ST3GAL3: variants seen among roughly 807,000 people sequenced by gnomAD.
The protein encoded by ST3GAL3 is CMP-N-acetylneuraminate-beta-1,4-galactoside alpha-2,3-sialyltransferase.
ST3GAL3 carries 21 observed loss-of-function variants against 50.1 expected under a neutral mutation model. That is an observed-to-expected ratio of 0.42 (90% CI 0.30 to 0.60). The LOEUF is 0.60. ST3GAL3 is among the 20% of genes least tolerant of loss of function. The pLI, the probability that ST3GAL3 is intolerant of heterozygous loss-of-function variation, is 0.19. For missense variants in ST3GAL3, 353 were observed against 489.4 expected (o/e 0.72, Z 2.63); for synonymous variants, 183 against 190.0 (o/e 0.96, Z 0.30).
intron 2 of ST3GAL3, among the ~76,000 whole-genome samples, chr1:43,781,727 C>T (rs803962): frequency 1 from 152,050 of 152,332 alleles, 75,884 homozygotes; most frequent in Non-Finnish European, 1. Flanking sequence ...TACTGTCCAC[C>T]TACAGAGAAA....
At chr1:43,747,100 A>G (rs923943854) in intron 2 of ST3GAL3, among the ~76,000 whole-genome samples, 6 of 152,098 alleles carry the variant, frequency 3.9e-5, no homozygotes, top group African/African-American at 1.4e-4. Context: ...TTATCTTACC[A>G]CAATAAAAAC....
At chr1:43,801,286 A>T (rs903857416) in intron 3 of ST3GAL3, 7 of 456,200 alleles carry the variant, frequency 1.5e-5, no homozygotes, top group Admixed American at 4.7e-5. Flanking sequence ...TGCCAGGTAC[A>T]GTGACAGCTG....
At chr1:43,852,155 G>T (rs914367707) in intron 5 of ST3GAL3, among the ~76,000 whole-genome samples, 11 of 152,156 alleles carry the variant, frequency 7.2e-5, no homozygotes, top group African/African-American at 2.4e-4. Flanking sequence ...TGGGAAGCCA[G>T]CCTGTTTGCT....
chr1:43,866,602 A>C lies in ST3GAL3; in HGVS notation c.303-27781A>C, dbSNP rs147681654. Among the ~76,000 whole-genome samples, 490 of 151,954 alleles carry C rather than the reference A, an allele frequency of 3.2e-3. 3 individuals are homozygous for C. Among genetic ancestry groups the C allele is most frequent in the Non-Finnish European group, 4.4e-3 (302 of 67,918 alleles). Reference sequence around the variant, plus strand: ...CTGTCTCAAGGTAAAAAAAAAAAAAAGATTAAGGAATTAGGCAGTTGAAAA... The same window carrying C: ...CTGTCTCAAGGTAAAAAAAAAAAAACGATTAAGGAATTAGGCAGTTGAAAA... On this transcript the variant is annotated intron_variant, in intron 5 of 11. Coordinates refer to ENST00000347631, the MANE Select transcript of ST3GAL3 (RefSeq NM_006279.5).
chr1:43,725,303 A>G (rs1216908939), intron 1 of ST3GAL3, among the ~76,000 whole-genome samples: 6 of 152,078 alleles, frequency 3.9e-5, no homozygotes, highest in African/African-American at 9.7e-5. Context: ...TCCCAGGTTC[A>G]AGCTATTCTC....
chr1:43,716,161 C>A (rs912386176), intron 1 of ST3GAL3, among the ~76,000 whole-genome samples: 6 of 152,152 alleles, frequency 3.9e-5, no homozygotes, highest in African/African-American at 1.4e-4. Context: ...ATATTAATGG[C>A]AAAAACCACA....
intron 3 of ST3GAL3, among the ~76,000 whole-genome samples, chr1:43,793,200 T>C (rs995743826): frequency 6.6e-6 from 1 of 152,196 alleles, no homozygotes; most frequent in Non-Finnish European, 1.5e-5. Context: ...CAGCTATCTC[T>C]TACAATCGCT....
At chr1:43,919,136 G>A (rs1452180390) in intron 9 of ST3GAL3, 1 of 126,402 alleles carries the variant, frequency 7.9e-6, no homozygotes, top group Admixed American at 9.7e-5. Context: ...GGAGTGCAGT[G>A]GTGCAATGTC....
chr1:43,729,593 T>G (rs557199160), intron 1 of ST3GAL3, among the ~76,000 whole-genome samples: 2 of 152,176 alleles, frequency 1.3e-5, no homozygotes, highest in Non-Finnish European at 2.9e-5. Flanking sequence ...TGTCCCTCTC[T>G]CCCCTTTCAC....
intron 5 of ST3GAL3, among the ~76,000 whole-genome samples, chr1:43,868,889 T>C (rs1402141127): frequency 6.6e-6 from 1 of 151,974 alleles, no homozygotes; most frequent in African/African-American, 2.4e-5. Flanking sequence ...TTTCCAGAGC[T>C]TTTCCTTTTA....
intron 5 of ST3GAL3, chr1:43,851,156 G>C (rs922709246): frequency 2.3e-6 from 3 of 1,328,708 alleles, no homozygotes; most frequent in Non-Finnish European, 3.3e-6. Flanking sequence ...GATCAGCTTC[G>C]GGTGGAAGAG....
chr1:43,817,325 T>G (rs989648665), intron 4 of ST3GAL3, among the ~76,000 whole-genome samples: 2 of 152,024 alleles, frequency 1.3e-5, no homozygotes, highest in African/African-American at 4.8e-5. Context: ...TGCTGCTTCT[T>G]CTTCTTCCTT....
intron 1 of ST3GAL3, among the ~76,000 whole-genome samples, chr1:43,719,698 T>C (rs1215287283): frequency 1.5e-5 from 2 of 137,056 alleles, no homozygotes; most frequent in African/African-American, 5.0e-5. Flanking sequence ...CTTGGGAGGC[T>C]GAGGTGGGCG....
rs115345656 is a variant in ST3GAL3 at position 43,785,657 on chromosome 1, G to A, written c.119-6445G>A. On this transcript the variant is annotated intron_variant, in intron 2 of 11. Transcript: ENST00000347631. ...GCTCTGATGCTCTGCCACTAATGTG[G>A]GCGCTAGGGCCCAGCATCTAGCGCA... 8.9e-3 allele frequency among the ~76,000 whole-genome samples: 1,352 copies of A among 152,002 alleles called. 28 individuals carry two copies. Among genetic ancestry groups the A allele is most frequent in the African/African-American group, 0.032 (1,317 of 41,490 alleles).
chr1:43,814,423 G>C (rs1340643414), intron 3 of ST3GAL3, among the ~76,000 whole-genome samples: 2 of 152,116 alleles, frequency 1.3e-5, no homozygotes, highest in African/African-American at 2.4e-5. Context: ...CTGATCTACT[G>C]GTTCTTTATG....
intron 1 of ST3GAL3, among the ~76,000 whole-genome samples, chr1:43,718,713 A>C (rs1668770239): frequency 8.4e-6 from 1 of 119,568 alleles, no homozygotes; most frequent in African/African-American, 3.5e-5. Context: ...TTTAGGATGG[A>C]ATCTTACTCT....
chr1:43,819,539 C>T (rs1031227439), intron 4 of ST3GAL3, among the ~76,000 whole-genome samples: 2 of 152,192 alleles, frequency 1.3e-5, no homozygotes, highest in African/African-American at 4.8e-5. Context: ...AGTTGACTCA[C>T]CCTTAATTGA....
At chr1:43,857,512 T>C (rs1456554071) in intron 5 of ST3GAL3, among the ~76,000 whole-genome samples, 3 of 142,900 alleles carry the variant, frequency 2.1e-5, no homozygotes, top group Non-Finnish European at 4.6e-5. Flanking sequence ...TCTTCCTTCC[T>C]TCCTTCCTTC....
At chr1:43,787,966 G>C (rs1241788758) in intron 2 of ST3GAL3, among the ~76,000 whole-genome samples, 6 of 152,194 alleles carry the variant, frequency 3.9e-5, no homozygotes, top group Non-Finnish European at 7.3e-5. Context: ...AGCATGTACA[G>C]TGAATAATGA....
Sources: gnomAD v4.1 joint callset for allele counts (sites outside exome capture counted in the v4.1 genomes callset) on GRCh38, gnomAD v4.1.1 for gene constraint, MANE v1.5 for transcripts, NCBI Gene and HGNC (gene_info 2026-07-23, HGNC 2026-07-21) for gene names.